SUGCT: variants seen among roughly 807,000 people sequenced by gnomAD.
SUGCT encodes succinyl-CoA:glutarate CoA-transferase.
In SUGCT, 41 loss-of-function variants were observed where a neutral mutation model predicts 55.0. The observed-to-expected ratio is 0.74, with a 90% CI of 0.58 to 0.97. The LOEUF is 0.97. SUGCT is among the 50% of genes least tolerant of loss of function. The pLI, the probability that SUGCT is intolerant of heterozygous loss-of-function variation, is 0.00. For missense variants in SUGCT, 568 were observed against 547.8 expected, an observed-to-expected ratio of 1.04 and a Z score of -0.37; for synonymous variants, 187 against 200.4, an observed-to-expected ratio of 0.93 and a Z score of 0.56.
intron 7 of SUGCT, among the ~76,000 whole-genome samples, chr7:40,242,935 T>TATA (rs1562605220): frequency 1.3e-4 from 3 of 23,824 alleles, no homozygotes; most frequent in African/African-American, 2.1e-4. Context: ...ATATATATAT[T>TATA]TTTTTTTTTT....
chr7:40,575,788 A>G (rs548006016), intron 12 of SUGCT, among the ~76,000 whole-genome samples: 14 of 152,142 alleles, frequency 9.2e-5, no homozygotes, highest in Non-Finnish European at 1.8e-4. Flanking sequence ...TCTACTCAAA[A>G]TACAGAATTA....
intron 12 of SUGCT, among the ~76,000 whole-genome samples, chr7:40,617,013 A>T (rs77760892): frequency 6.6e-6 from 1 of 152,174 alleles, no homozygotes; most frequent in Non-Finnish European, 1.5e-5. Context: ...GACTTTTTTC[A>T]TACTGTGCCA....
chr7:40,697,964 G>C (rs1785009113), intron 12 of SUGCT, among the ~76,000 whole-genome samples: 1 of 152,202 alleles, frequency 6.6e-6, no homozygotes, highest in Non-Finnish European at 1.5e-5. Flanking sequence ...TACATGCTGT[G>C]CTTGATATGT....
chr7:40,780,828 T>C (rs991704383), intron 13 of SUGCT, among the ~76,000 whole-genome samples: 1 of 151,446 alleles, frequency 6.6e-6, no homozygotes, highest in Non-Finnish European at 1.5e-5. Flanking sequence ...AACACCAGCA[T>C]TGAAAACTTT....
At chr7:40,939,682 T>C in the SUGCT span, among the ~76,000 whole-genome samples, 1 of 152,194 alleles carries the variant, frequency 6.6e-6, no homozygotes, top group Admixed American at 6.5e-5. Flanking sequence ...CATTTGTATG[T>C]CTTCTGTTGA....
intron 13 of SUGCT, among the ~76,000 whole-genome samples, chr7:40,815,908 C>A (rs987541567): frequency 6.6e-6 from 1 of 152,148 alleles, no homozygotes; most frequent in Non-Finnish European, 1.5e-5. Context: ...GCTCAGGCTG[C>A]GAAACCACAC....
intron 12 of SUGCT, among the ~76,000 whole-genome samples, chr7:40,681,340 C>A (rs1165475276): frequency 6.6e-6 from 1 of 152,066 alleles, no homozygotes; most frequent in Non-Finnish European, 1.5e-5. Flanking sequence ...ATGATTTAAT[C>A]AATTATGTTA....
Position 40,445,627 on chromosome 7 carries a change from A to T in SUGCT, c.817-3660A>T, listed in dbSNP as rs369784224. ...ATTCCAAACAATTGAAAAAGAGGGAATCCTCCCTAACTCATTTTATGAGGC... is the reference window on the plus strand; with the variant it reads ...ATTCCAAACAATTGAAAAAGAGGGATTCCTCCCTAACTCATTTTATGAGGC... On this transcript the variant is annotated intron_variant, in intron 9 of 13. Coordinates refer to ENST00000335693, the MANE Select transcript of SUGCT (RefSeq NM_001193313.2). Among the ~76,000 whole-genome samples, 310 of 152,242 alleles carry T rather than the reference A, an allele frequency of 2.0e-3. 11 individuals are homozygous for T. The South Asian group carries it at 0.06, about 29-fold the overall frequency.
At chr7:40,955,976 G>T in the SUGCT span, among the ~76,000 whole-genome samples, 2 of 152,166 alleles carry the variant, frequency 1.3e-5, no homozygotes, top group East Asian at 3.9e-4. Context: ...CAGGGATGAA[G>T]CCAAGTTGAT....
the SUGCT span, among the ~76,000 whole-genome samples, chr7:40,935,484 C>T: frequency 2.0e-5 from 3 of 152,174 alleles, no homozygotes; most frequent in Admixed American, 6.5e-5. Context: ...CTGGCTATTT[C>T]ATATAAATAG....
intron 12 of SUGCT, among the ~76,000 whole-genome samples, chr7:40,593,267 G>A (rs1489222013): frequency 6.6e-6 from 1 of 152,088 alleles, no homozygotes; most frequent in Non-Finnish European, 1.5e-5. Context: ...TTTTCTACTG[G>A]TTTAACAATT....
the SUGCT span, among the ~76,000 whole-genome samples, chr7:41,024,578 T>C: frequency 1.4e-5 from 2 of 146,080 alleles, no homozygotes; most frequent in African/African-American, 5.2e-5. Flanking sequence ...AATAAACATA[T>C]GAAAAGACAC....
the SUGCT span, among the ~76,000 whole-genome samples, chr7:40,962,320 C>A: frequency 6.6e-6 from 1 of 152,086 alleles, no homozygotes; most frequent in African/African-American, 2.4e-5. Flanking sequence ...ATTAGCTAGA[C>A]ACAGAGCACT....
At chr7:40,153,689 TA>T (rs1204436265) in intron 1 of SUGCT, 1 of 508,634 alleles carries the variant, frequency 2.0e-6, no homozygotes, top group Non-Finnish European at 4.0e-6. Context: ...GTTTTCACGT[TA>T]TATTCTGGTG....
At chr7:40,459,076 C>T (rs1392455664) in intron 10 of SUGCT, 25 bp from the exon 11 acceptor site, 1 of 1,522,222 alleles carries the variant, frequency 6.6e-7, no homozygotes, top group Non-Finnish European at 9.1e-7. Flanking sequence ...ATTTCTTATA[C>T]TGGAAAATTA....
intron 9 of SUGCT, among the ~76,000 whole-genome samples, chr7:40,406,193 C>T (rs1254155464): frequency 6.6e-6 from 1 of 152,116 alleles, no homozygotes; most frequent in African/African-American, 2.4e-5. Flanking sequence ...TGAGATGATA[C>T]AGTGTACTAG....
chr7:40,567,767 A>G (rs1239118254), intron 12 of SUGCT, among the ~76,000 whole-genome samples: 1 of 152,234 alleles, frequency 6.6e-6, no homozygotes, highest in Non-Finnish European at 1.5e-5. Context: ...CACAATTGCA[A>G]GTAGGCTTCT....
chr7:40,303,924 C>A (rs756384613), intron 8 of SUGCT, among the ~76,000 whole-genome samples: 4 of 151,686 alleles, frequency 2.6e-5, no homozygotes, highest in Non-Finnish European at 4.4e-5. Flanking sequence ...GGCAAAACCC[C>A]GTCTCTACTA....
At chr7:40,842,344 T>C (rs1017077481) in intron 13 of SUGCT, among the ~76,000 whole-genome samples, 5 of 152,138 alleles carry the variant, frequency 3.3e-5, no homozygotes, top group African/African-American at 1.2e-4. Context: ...AATATGTTCT[T>C]CCAAGAAGAA....
Sources: allele counts gnomAD v4.1 joint callset (sites outside exome capture counted in the v4.1 genomes callset), GRCh38; gene constraint gnomAD v4.1.1; transcripts MANE v1.5; gene names NCBI Gene and HGNC (gene_info 2026-07-23, HGNC 2026-07-21).